Variants in ADAM32 observed in about 807,000 individuals in gnomAD.
The protein encoded by ADAM32 is disintegrin and metalloproteinase domain-containing protein 32.
Under a neutral mutation model 114.9 loss-of-function variants are expected in ADAM32, and 89 were observed. That is an observed-to-expected ratio of 0.77 (90% CI 0.65 to 0.92). ADAM32 has a LOEUF of 0.92. ADAM32 is among the 40% of genes least tolerant of loss of function. ADAM32 has a pLI of 0.00. For missense variants in ADAM32, 870 were observed against 932.8 expected (o/e 0.93, Z 0.88); for synonymous variants, 285 against 307.5 (o/e 0.93, Z 0.77).
At chr8:39,211,403 A>G in intron 12 of ADAM32, 79 bp downstream of exon 12, 1 of 1,302,286 alleles carries the variant, frequency 7.7e-7, no homozygotes, top group Non-Finnish European at 1.0e-6. Context: ...ATATATCTCA[A>G]ATGTGAATGA....
rs536877373 is a variant in ADAM32 at position 39,164,188 on chromosome 8, CCTT to C, written c.595-572_595-570del. 9.8e-5 allele frequency among the ~76,000 whole-genome samples: 15 copies of C among 152,324 alleles called. No individual in the cohort carries two copies. In the South Asian group the frequency reaches 2.9e-3, roughly 29 times the overall value. ...CCTTTGGTGTCCACTAAGCCATTCT[CCTT>C]CTTTGTGATTTCACACACATTGCAT... On this transcript the variant is annotated intron_variant, in intron 7 of 24. Coordinates refer to ENST00000379907, the MANE Select transcript of ADAM32 (RefSeq NM_145004.7).
At chr8:39,155,393 G>T (rs754437973) in intron 6 of ADAM32, among the ~76,000 whole-genome samples, 20 of 152,192 alleles carry the variant, frequency 1.3e-4, no homozygotes, top group Non-Finnish European at 1.9e-4. Context: ...GGCAATAATG[G>T]TAGTAACAGA....
intron 10 of ADAM32, among the ~76,000 whole-genome samples, chr8:39,178,263 C>A (rs887952193): frequency 2.0e-5 from 3 of 152,152 alleles, no homozygotes; most frequent in Non-Finnish European, 4.4e-5. Context: ...TTCAGAAAGA[C>A]AGTCTTCAAG....
chr8:39,230,810 A>T (rs1347566105), intron 14 of ADAM32, among the ~76,000 whole-genome samples: 2 of 152,320 alleles, frequency 1.3e-5, no homozygotes, highest in East Asian at 3.9e-4. Context: ...TTGAAAGAGA[A>T]TGGAGAGGGA....
At chr8:39,276,531 G>A (rs1813081324) in intron 22 of ADAM32, among the ~76,000 whole-genome samples, 1 of 152,062 alleles carries the variant, frequency 6.6e-6, no homozygotes, top group Non-Finnish European at 1.5e-5. Context: ...ATTTATAGGG[G>A]GCTAGTGTTA....
intron 3 of ADAM32, among the ~76,000 whole-genome samples, chr8:39,146,662 T>TGG (rs940149864): frequency 5.9e-5 from 9 of 152,140 alleles, no homozygotes; most frequent in Non-Finnish European, 1.2e-4. Flanking sequence ...CTGCCCACCT[T>TGG]GGCCTCCCAA....
At chr8:39,268,671 C>A (rs757759488) in intron 19 of ADAM32, among the ~76,000 whole-genome samples, 1 of 152,096 alleles carries the variant, frequency 6.6e-6, no homozygotes, top group Non-Finnish European at 1.5e-5. Context: ...AATTGCCTAA[C>A]CCAAGTTCAC....
intron 12 of ADAM32, among the ~76,000 whole-genome samples, chr8:39,216,009 C>T (rs1164127393): frequency 6.6e-6 from 1 of 151,912 alleles, no homozygotes; most frequent in Non-Finnish European, 1.5e-5. Flanking sequence ...TCAAAGTCTC[C>T]AGCTGTTATT....
rs1211719866 is a variant in ADAM32 at position 39,136,637 on chromosome 8, A to C, written c.139-20A>C. Reference sequence around the variant, plus strand: ...TTGTATTAAATTTGTCTTCACTCTCAGTTGTTTTGAATTCTCTAGGAACAA... The same window carrying C: ...TTGTATTAAATTTGTCTTCACTCTCCGTTGTTTTGAATTCTCTAGGAACAA... On this transcript the variant is annotated intron_variant, in intron 2 of 24. Transcript: ENST00000379907. 4.8e-6 allele frequency: 7 copies of C among 1,472,686 alleles called. No homozygotes were observed. Among genetic ancestry groups the C allele is most frequent in the African/African-American group, 1.4e-5 (1 of 69,892 alleles). The allele number at this position is 1,472,686 out of a possible 1,614,324, so 91.2% of individuals were successfully genotyped here.
At chr8:39,235,356 G>A (rs1810053906) in intron 16 of ADAM32, among the ~76,000 whole-genome samples, 1 of 152,034 alleles carries the variant, frequency 6.6e-6, no homozygotes, top group Non-Finnish European at 1.5e-5. Context: ...GCCACTTTTA[G>A]TGGTTTTATA....
intron 3 of ADAM32, among the ~76,000 whole-genome samples, chr8:39,141,485 T>G (rs917957715): frequency 1.3e-5 from 2 of 152,226 alleles, no homozygotes; most frequent in Non-Finnish European, 2.9e-5. Context: ...TCAGTTTTCA[T>G]GTAGTTGTGT....
At chr8:39,256,158 A>G (rs1811635671) in intron 18 of ADAM32, among the ~76,000 whole-genome samples, 1 of 151,830 alleles carries the variant, frequency 6.6e-6, no homozygotes, top group Non-Finnish European at 1.5e-5. Flanking sequence ...ACCAGCCTGA[A>G]TGTGCCCGAT....
chr8:39,123,322 C>G (rs981387101), intron 2 of ADAM32, among the ~76,000 whole-genome samples: 5 of 152,092 alleles, frequency 3.3e-5, no homozygotes, highest in African/African-American at 9.7e-5. Flanking sequence ...ATTGCTTTGA[C>G]TATTCTAAGT....
intron 11 of ADAM32, among the ~76,000 whole-genome samples, chr8:39,191,874 A>C (rs1354522234): frequency 6.6e-6 from 1 of 152,028 alleles, no homozygotes; most frequent in South Asian, 2.1e-4. Flanking sequence ...CAGGTTTTTT[A>C]CATTTTGGGC....
At chr8:39,113,806 C>T (rs141942543) in intron 1 of ADAM32, among the ~76,000 whole-genome samples, 1 of 152,272 alleles carries the variant, frequency 6.6e-6, no homozygotes, top group African/African-American at 2.4e-5. Context: ...CAGTGTCCCT[C>T]TGAGCTACGA....
At position 39,194,795 on chromosome 8, in the gene ADAM32, C is replaced by A. The variant is rs531253370; in HGVS notation, c.1052+7750C>A. On this transcript the variant is annotated intron_variant, in intron 11 of 24. Transcript: ENST00000379907. ...TTCAGGTACGACAGTTCCCCTAGGGCTAAAGTCTCGTACGGAAGGAAGTTA... is the reference window on the plus strand; with the variant it reads ...TTCAGGTACGACAGTTCCCCTAGGGATAAAGTCTCGTACGGAAGGAAGTTA... Among the ~76,000 whole-genome samples the A allele has an allele frequency of 8.4e-4, 128 of 152,282 alleles. 1 individual carries two copies. Among genetic ancestry groups the A allele is most frequent in the African/African-American group, 3.0e-3 (125 of 41,552 alleles).
intron 11 of ADAM32, among the ~76,000 whole-genome samples, chr8:39,208,844 T>C (rs936958180): frequency 2.6e-5 from 4 of 152,168 alleles, no homozygotes; most frequent in Non-Finnish European, 5.9e-5. Flanking sequence ...CCTATGAGAG[T>C]TTGATTATTA....
intron 2 of ADAM32, among the ~76,000 whole-genome samples, chr8:39,125,318 CCTTT>C (rs1488925523): frequency 6.6e-6 from 1 of 151,968 alleles, no homozygotes; most frequent in Admixed American, 6.6e-5. Context: ...GATTGTCACT[CCTTT>C]CTTTTTTTCT....
chr8:39,275,906 T>G, intron 22 of ADAM32, 40 bp downstream of exon 22: 6 of 1,496,468 alleles, frequency 4.0e-6, no homozygotes, highest in Non-Finnish European at 4.5e-6. Context: ...ATAATAAGTA[T>G]ATGTTAAAAA....
Sources: gnomAD v4.1 joint callset for allele counts (sites outside exome capture counted in the v4.1 genomes callset) on GRCh38, gnomAD v4.1.1 for gene constraint, MANE v1.5 for transcripts, NCBI Gene and HGNC (gene_info 2026-07-23, HGNC 2026-07-21) for gene names.